The following COL24A1 variants were observed in gnomAD, a reference collection of about 807,000 sequenced individuals.
The protein encoded by COL24A1 is collagen alpha-1(XXIV) chain.
A neutral mutation model predicts 253.9 loss-of-function variants in COL24A1; 224 were observed. That is an observed-to-expected ratio of 0.88 (90% CI 0.79 to 0.99). The LOEUF (loss-of-function observed/expected upper bound fraction) is 0.99, where lower values mean the gene tolerates loss of function less well. COL24A1 is among the 50% of genes least tolerant of loss of function. The pLI, the probability that COL24A1 is intolerant of heterozygous loss-of-function variation, is 0.00. For missense variants in COL24A1, 2,131 were observed against 2,068.5 expected, an observed-to-expected ratio of 1.03 and a Z score of -0.59; for synonymous variants, 685 against 673.7, an observed-to-expected ratio of 1.02 and a Z score of -0.26.
chr1:85,804,523 G>A (rs1029782471), intron 47 of COL24A1, among the ~76,000 whole-genome samples: 2 of 152,130 alleles, frequency 1.3e-5, no homozygotes, highest in Non-Finnish European at 2.9e-5. Flanking sequence ...AAAAGAAAGA[G>A]GTTTATTACA....
At chr1:85,807,506 C>G (rs889018126) in intron 47 of COL24A1, among the ~76,000 whole-genome samples, 1 of 152,094 alleles carries the variant, frequency 6.6e-6, no homozygotes, top group Non-Finnish European at 1.5e-5. Flanking sequence ...CTGTTTTGCA[C>G]AGATCTGTGG....
chr1:86,021,954 C>T (rs1697576788), intron 18 of COL24A1, among the ~76,000 whole-genome samples: 1 of 151,970 alleles, frequency 6.6e-6, no homozygotes, highest in Non-Finnish European at 1.5e-5. Flanking sequence ...GCTTCAAAGC[C>T]TATTGTTTTA....
At chr1:86,075,069 G>A (rs927061720) in intron 7 of COL24A1, among the ~76,000 whole-genome samples, 8 of 151,170 alleles carry the variant, frequency 5.3e-5, no homozygotes, top group African/African-American at 1.9e-4. Context: ...ATAGAGACAC[G>A]AAAAACTCTT....
At chr1:85,875,230 T>C in intron 34 of COL24A1, 47 bp downstream of exon 34, 1 of 1,519,346 alleles carries the variant, frequency 6.6e-7, no homozygotes, top group Non-Finnish European at 9.1e-7. Context: ...TGTAGGGGGT[T>C]CAATGGTGAA....
chr1:85,773,228 T>C (rs933529608), intron 53 of COL24A1, among the ~76,000 whole-genome samples: 7 of 152,226 alleles, frequency 4.6e-5, no homozygotes, highest in Non-Finnish European at 8.8e-5. Flanking sequence ...CATTGGTCTA[T>C]ATATCTGTTT....
chr1:86,136,720 A>T (rs1650310287), intron 2 of COL24A1, among the ~76,000 whole-genome samples: 1 of 151,882 alleles, frequency 6.6e-6, no homozygotes, highest in South Asian at 2.1e-4. Flanking sequence ...TATTCCCCAC[A>T]CCACTCCACA....
chr1:85,798,429 G>A (rs1671055613), intron 47 of COL24A1, among the ~76,000 whole-genome samples: 1 of 152,124 alleles, frequency 6.6e-6, no homozygotes, highest in South Asian at 2.1e-4. Flanking sequence ...AGCCATAACT[G>A]AATAATCAAC....
At chr1:85,884,937 A>T (rs1682300706) in intron 32 of COL24A1, among the ~76,000 whole-genome samples, 1 of 151,988 alleles carries the variant, frequency 6.6e-6, no homozygotes, top group Non-Finnish European at 1.5e-5. Flanking sequence ...GCCCTCTCTG[A>T]GTTTTTTAAC....
chr1:86,121,964 TA>T (rs1005433845), intron 3 of COL24A1, among the ~76,000 whole-genome samples: 9 of 152,046 alleles, frequency 5.9e-5, no homozygotes, highest in Admixed American at 3.9e-4. Flanking sequence ...AATTGTTACT[TA>T]AAAGTAGGAA....
At chr1:86,075,453 G>A (rs568491018) in intron 7 of COL24A1, among the ~76,000 whole-genome samples, 11 of 152,086 alleles carry the variant, frequency 7.2e-5, no homozygotes, top group African/African-American at 2.6e-4. Context: ...TAGCCGAATT[G>A]TAACAGAGGT....
intron 28 of COL24A1, among the ~76,000 whole-genome samples, chr1:85,905,622 G>A (rs1235925234): frequency 6.6e-6 from 1 of 152,012 alleles, no homozygotes; most frequent in Non-Finnish European, 1.5e-5. Flanking sequence ...GAGCCATTTC[G>A]GGAGAGAATC....
chr1:85,810,217 T>C (rs1179582847), intron 47 of COL24A1, among the ~76,000 whole-genome samples: 1 of 152,100 alleles, frequency 6.6e-6, no homozygotes, highest in Admixed American at 6.5e-5. Flanking sequence ...TATATTAGCA[T>C]GCTAAAAGAC....
chr1:86,026,997 A>G (rs1396667547), intron 14 of COL24A1, among the ~76,000 whole-genome samples: 3 of 152,144 alleles, frequency 2.0e-5, no homozygotes, highest in African/African-American at 7.2e-5. Context: ...GCCCTGCCCT[A>G]AAGTTCTGTG....
intron 3 of COL24A1, among the ~76,000 whole-genome samples, chr1:86,123,675 C>T (rs1445248713): frequency 6.6e-6 from 1 of 151,900 alleles, no homozygotes; most frequent in African/African-American, 2.4e-5. Flanking sequence ...TAACTATTTG[C>T]TTAATATTAT....
At chr1:85,773,376 G>A (rs966410463) in intron 53 of COL24A1, among the ~76,000 whole-genome samples, 1 of 152,008 alleles carries the variant, frequency 6.6e-6, no homozygotes, top group Non-Finnish European at 1.5e-5. Flanking sequence ...TTCATATGAA[G>A]TTTGAAGTAG....
chr1:85,890,893 C>A (rs1355047834), intron 31 of COL24A1, among the ~76,000 whole-genome samples: 1 of 151,998 alleles, frequency 6.6e-6, no homozygotes, highest in East Asian at 1.9e-4. Flanking sequence ...TTTGTAGTAC[C>A]ATAAAAGAGC....
intron 45 of COL24A1, among the ~76,000 whole-genome samples, chr1:85,821,165 T>C (rs12132454): frequency 7.2e-4 from 110 of 152,344 alleles, no homozygotes; most frequent in Non-Finnish European, 6.2e-4. Flanking sequence ...CACTCACATT[T>C]GCATTACAAA....
chr1:85,746,867 G>A (rs947999172), intron 55 of COL24A1, among the ~76,000 whole-genome samples: 1 of 152,036 alleles, frequency 6.6e-6, no homozygotes, highest in Non-Finnish European at 1.5e-5. Flanking sequence ...AGCAGATTTT[G>A]GATATGGGTC....
At chr1:86,020,211 G>A (rs1000318706) in intron 18 of COL24A1, among the ~76,000 whole-genome samples, 11 of 151,790 alleles carry the variant, frequency 7.2e-5, no homozygotes, top group African/African-American at 2.7e-4. Flanking sequence ...GGGACTACAG[G>A]TGCCTGCCAC....
Sources: allele counts gnomAD v4.1 joint callset (sites outside exome capture counted in the v4.1 genomes callset), GRCh38; gene constraint gnomAD v4.1.1; transcripts MANE v1.5; gene names NCBI Gene and HGNC (gene_info 2026-07-23, HGNC 2026-07-21).